The following ADGRF5 variants were observed in gnomAD, a reference collection of about 807,000 sequenced individuals.
ADGRF5 encodes G-protein coupled receptor 116.
Under a neutral mutation model 132.3 loss-of-function variants are expected in ADGRF5, and 75 were observed. That is an observed-to-expected ratio of 0.57 (90% CI 0.47 to 0.69). The LOEUF is 0.69. Ranked by LOEUF, ADGRF5 falls within the 30% of genes least tolerant of loss-of-function variation. The pLI, the probability that ADGRF5 is intolerant of heterozygous loss-of-function variation, is 0.00. For synonymous variants in ADGRF5, 629 were observed against 597.6 expected, an observed-to-expected ratio of 1.05 and a Z score of -0.77; for missense variants, 1,516 against 1,630.6, an observed-to-expected ratio of 0.93 and a Z score of 1.21.
chr6:46,875,696 G>A (rs1295295509), intron 10 of ADGRF5, among the ~76,000 whole-genome samples: 1 of 152,108 alleles, frequency 6.6e-6, no homozygotes, highest in Admixed American at 6.5e-5. Flanking sequence ...AGAATCCCTT[G>A]AACCCCAGGA....
At chr6:46,881,364 A>C in intron 8 of ADGRF5, 91 bp downstream of exon 8, 1 of 1,135,786 alleles carries the variant, frequency 8.8e-7, no homozygotes, top group South Asian at 1.4e-5. Flanking sequence ...TGGAGTGTCT[A>C]GCTTCCCAGA....
chr6:46,937,679 A>G (rs1777900379), intron 1 of ADGRF5, among the ~76,000 whole-genome samples: 1 of 152,224 alleles, frequency 6.6e-6, no homozygotes, highest in South Asian at 2.1e-4. Flanking sequence ...CTCACAATAA[A>G]ATAGAGCAAT....
chr6:46,924,979 A>G (rs1180211262), upstream of ADGRF5, among the ~76,000 whole-genome samples: 1 of 152,130 alleles, frequency 6.6e-6, no homozygotes, highest in Non-Finnish European at 1.5e-5. Flanking sequence ...GTCTCTGTGC[A>G]TCTCCTCTTG....
chr6:46,859,939 C>T (rs1769542733), intron 16 of ADGRF5, among the ~76,000 whole-genome samples: 1 of 152,086 alleles, frequency 6.6e-6, no homozygotes, highest in Non-Finnish European at 1.5e-5. Flanking sequence ...ATCCATCCGC[C>T]TCGGCCTCCC....
At chr6:46,902,647 A>G (rs2150886953) in intron 2 of ADGRF5, among the ~76,000 whole-genome samples, 1 of 152,200 alleles carries the variant, frequency 6.6e-6, no homozygotes, top group East Asian at 1.9e-4. Flanking sequence ...AGATTTCCGG[A>G]ATCTTTATGG....
intron 1 of ADGRF5, among the ~76,000 whole-genome samples, chr6:46,953,665 A>ATC (rs1554131433): frequency 4.9e-4 from 64 of 131,398 alleles, no homozygotes; most frequent in African/African-American, 1.8e-3. Flanking sequence ...ATATATATAT[A>ATC]TATATATATA....
chr6:46,864,711 A>G (rs1231703284), intron 14 of ADGRF5, among the ~76,000 whole-genome samples: 1 of 152,036 alleles, frequency 6.6e-6, no homozygotes, highest in East Asian at 1.9e-4. Context: ...GTTTTAGTAG[A>G]GACGAGGTTT....
At chr6:46,854,863 T>G in intron 20 of ADGRF5, 4 of 541,982 alleles carry the variant, frequency 7.4e-6, no homozygotes, top group South Asian at 1.6e-5. Context: ...GAAGTGAAGG[T>G]CCACCAGTTT....
At chr6:46,878,579 T>C (rs1173267749) in intron 9 of ADGRF5, among the ~76,000 whole-genome samples, 174 bp from the exon 10 acceptor site, 1 of 152,180 alleles carries the variant, frequency 6.6e-6, no homozygotes, top group Non-Finnish European at 1.5e-5. Flanking sequence ...GAAGTGCAGA[T>C]ATTTCTCATG....
chr6:46,877,313 CCTTCCTTCCT>C (rs1771881677), intron 10 of ADGRF5, among the ~76,000 whole-genome samples: 2 of 24,298 alleles, frequency 8.2e-5, no homozygotes, highest in African/African-American at 1.6e-4. Context: ...CTCTTTCCTT[CCTTCCTTCCT>C]TCTTTCTTTC....
intron 8 of ADGRF5, among the ~76,000 whole-genome samples, chr6:46,881,130 T>A (rs1248076365): frequency 1.6e-4 from 25 of 152,172 alleles, no homozygotes; most frequent in Non-Finnish European, 1.5e-5. Flanking sequence ...GGCCCTCTAT[T>A]TCTTATTGGT....
At chr6:46,948,598 G>T (rs1316357975) in intron 1 of ADGRF5, among the ~76,000 whole-genome samples, 1 of 151,620 alleles carries the variant, frequency 6.6e-6, no homozygotes, top group East Asian at 1.9e-4. Context: ...TTTATTAATT[G>T]CAATTCAAGC....
Position 46,879,938 on chromosome 6 carries a change from A to G in ADGRF5, c.916T>C (p.Tyr306His). The G allele has an allele frequency of 6.2e-7, 1 of 1,614,036 alleles. No individual in the cohort carries two copies. Among genetic ancestry groups the G allele is most frequent in the Middle Eastern group, 1.6e-4 (1 of 6,062 alleles). The change falls in exon 9 of 21, where the codon TAT becomes CAT. Residue 306 changes from tyrosine to histidine, a missense_variant. Physicochemically the swap from Tyr to His is moderately conservative, Grantham distance 83 (BLOSUM62 2). Coordinates refer to ENST00000283296, the MANE Select transcript of ADGRF5 (RefSeq NM_001098518.2). Reference protein sequence around the residue: ...EVLSSNVSWRYEEQQLEIQNS... With the variant: ...EVLSSNVSWRHEEQQLEIQNS... The stretch of plus-strand genomic sequence containing the variant: ...TGGATTTCCAACTGCTGTTCTTCAT[A>G]GCGCCAAGACACATTGGAGGACAAA...
Position 46,858,364 on chromosome 6 carries a change from A to G in ADGRF5, c.3539T>C (p.Leu1180Pro). The G allele has an allele frequency of 4.3e-6, 7 of 1,613,984 alleles. No homozygotes were observed. The highest frequency in any genetic ancestry group is 5.9e-6 in the Non-Finnish European group (7 of 1,179,898). The change falls in exon 17 of 21, where the codon CTG becomes CCG. Residue 1180 changes from leucine to proline, a missense_variant. Leu to Pro is a moderately conservative substitution (Grantham distance 98, BLOSUM62 -3). Transcript: ENST00000283296. ...KALLAFAIPA[L>P]IIVVVNITIT... ...GGTTATGTTCACCACCACAATGATC[A>G]GTGCTGGGATGGCGAAAGCCAGCAG...
chr6:46,892,139 C>A (rs1218129186), intron 3 of ADGRF5, among the ~76,000 whole-genome samples: 2 of 142,864 alleles, frequency 1.4e-5, no homozygotes, highest in Non-Finnish European at 3.0e-5. Flanking sequence ...TTACATACAC[C>A]TAGGGAATAC....
At chr6:46,896,495 CA>C (rs1774192875) in intron 3 of ADGRF5, among the ~76,000 whole-genome samples, 1 of 152,046 alleles carries the variant, frequency 6.6e-6, no homozygotes, top group Non-Finnish European at 1.5e-5. Context: ...CTTTCAAACG[CA>C]ACACTATTTT....
Position 46,904,034 on chromosome 6 carries a change from T to C in ADGRF5, c.102+2627A>G, listed in dbSNP as rs571735130. Among the ~76,000 whole-genome samples, 4 of 152,260 alleles carry C rather than the reference T, an allele frequency of 2.6e-5. No individual in the cohort carries two copies. The South Asian group carries it at 8.3e-4, about 32-fold the overall frequency. On this transcript the variant is annotated intron_variant, in intron 2 of 20. Coordinates refer to ENST00000283296, the MANE Select transcript of ADGRF5 (RefSeq NM_001098518.2). ...CTTCCACTCAGACCTGACATCAAAG[T>C]TGAGCATATATAGCCTGTAACTCTA...
chr6:46,948,354 A>G (rs1778373389), intron 1 of ADGRF5, among the ~76,000 whole-genome samples: 2 of 152,102 alleles, frequency 1.3e-5, no homozygotes, highest in Non-Finnish European at 2.9e-5. Flanking sequence ...TTTATCCCCA[A>G]ACTAATAGGA....
chr6:46,868,760 CAT>C (rs1324532422), intron 12 of ADGRF5, 121 bp downstream of exon 12: 4 of 652,430 alleles, frequency 6.1e-6, no homozygotes, highest in Non-Finnish European at 1.1e-5. Flanking sequence ...AGTGTGAAGA[CAT>C]ATTGAATTTA....
Sources: gnomAD v4.1 joint callset for allele counts (sites outside exome capture counted in the v4.1 genomes callset) on GRCh38, gnomAD v4.1.1 for gene constraint, MANE v1.5 for transcripts, NCBI Gene and HGNC (gene_info 2026-07-23, HGNC 2026-07-21) for gene names.